The following MCF2 variants were observed in gnomAD, a reference collection of about 807,000 sequenced individuals.
MCF2 encodes proto-oncogene DBL.
Under a neutral mutation model 82.5 loss-of-function variants are expected in MCF2, and 44 were observed. The observed-to-expected ratio is 0.53, with a 90% CI of 0.42 to 0.69. MCF2 has a LOEUF of 0.69. MCF2 is among the 30% of genes least tolerant of loss of function. The pLI, the probability that MCF2 is intolerant of heterozygous loss-of-function variation, is 0.00. For missense variants in MCF2, 623 were observed against 663.1 expected (o/e 0.94, Z 0.66); for synonymous variants, 217 against 224.9 (o/e 0.96, Z 0.32).
chrX:139,680,165 C>A (rs748389188), intron 1 of MCF2, among the ~76,000 whole-genome samples: 1 of 110,714 alleles, frequency 9.0e-6, no homozygotes, highest in Non-Finnish European at 1.9e-5. Flanking sequence ...ACTCTGTCAC[C>A]CAAGCTGGAG....
At chrX:139,634,400 G>GA (rs2148498592) in intron 1 of MCF2, among the ~76,000 whole-genome samples, 1 of 111,426 alleles carries the variant, frequency 9.0e-6, no homozygotes, top group African/African-American at 3.3e-5. Context: ...TAAAATAAAA[G>GA]AAAAAAGTAA....
chrX:139,586,622 C>T (rs1333089952), intron 22 of MCF2, 135 bp from the exon 27 acceptor site: 2 of 425,243 alleles, frequency 4.7e-6, no homozygotes. Flanking sequence ...CCAATACTCC[C>T]TATTTAAATC....
chrX:139,654,327 C>A (rs1468442684), intron 1 of MCF2, among the ~76,000 whole-genome samples: 1 of 111,623 alleles, frequency 9.0e-6, no homozygotes, highest in Non-Finnish European at 1.9e-5. Context: ...CTTTTTGATA[C>A]AAGCCATTTT....
intron 1 of MCF2, among the ~76,000 whole-genome samples, chrX:139,638,952 A>G (rs1025421635): frequency 3.6e-5 from 4 of 111,475 alleles, no homozygotes; most frequent in Non-Finnish European, 7.5e-5. Context: ...TTCTCTATAT[A>G]CCAATATTTG....
chrX:139,660,053 A>G (rs1934315024), intron 1 of MCF2, among the ~76,000 whole-genome samples: 1 of 111,758 alleles, frequency 8.9e-6, no homozygotes, highest in Non-Finnish European at 1.9e-5. Context: ...CATACCATTC[A>G]TTCAAACTTC....
intron 1 of MCF2, among the ~76,000 whole-genome samples, chrX:139,698,972 C>T (rs1022100143): frequency 9.0e-6 from 1 of 111,457 alleles, no homozygotes; most frequent in East Asian, 2.8e-4. Context: ...ACAAGGAAGG[C>T]CCAGTTTATT....
chrX:139,603,103 T>C (rs1352512783), intron 15 of MCF2, among the ~76,000 whole-genome samples: 1 of 112,287 alleles, frequency 8.9e-6, no homozygotes, highest in African/African-American at 3.2e-5. Context: ...CCCAGGACCA[T>C]TTGTATATTT....
chrX:139,655,880 C>T (rs1934180437), intron 1 of MCF2, among the ~76,000 whole-genome samples: 1 of 111,651 alleles, frequency 9.0e-6, no homozygotes, highest in African/African-American at 3.3e-5. Flanking sequence ...GTTTCTCTGG[C>T]CAGGACTTCC....
chrX:139,648,438 G>A (rs1933880813), intron 2 of MCF2, among the ~76,000 whole-genome samples: 1 of 109,533 alleles, frequency 9.1e-6, no homozygotes, highest in Non-Finnish European at 1.9e-5. Context: ...AATACTCAAC[G>A]CAAAAGAAGA....
intron 6 of MCF2, among the ~76,000 whole-genome samples, chrX:139,621,327 C>A (rs1231316941): frequency 9.0e-6 from 1 of 111,720 alleles, no homozygotes; most frequent in Non-Finnish European, 1.9e-5. Context: ...GCAATTTCAA[C>A]AAATACAAAA....
At chrX:139,611,300 T>C (rs1416403761) in intron 10 of MCF2, among the ~76,000 whole-genome samples, 2 of 112,076 alleles carry the variant, frequency 1.8e-5, no homozygotes, top group Non-Finnish European at 3.8e-5. Flanking sequence ...CTTTCACTTA[T>C]TAAAATATAT....
At chrX:139,698,876 TTAA>T (rs770059912) in intron 1 of MCF2, among the ~76,000 whole-genome samples, 29 of 111,821 alleles carry the variant, frequency 2.6e-4, no homozygotes, top group African/African-American at 8.8e-4. Flanking sequence ...AATTACAAAA[TTAA>T]TAATAAGTAT....
chrX:139,592,277 T>C (rs1455032546), intron 19 of MCF2, among the ~76,000 whole-genome samples: 1 of 111,575 alleles, frequency 9.0e-6, no homozygotes, highest in Non-Finnish European at 1.9e-5. Flanking sequence ...ATCAAGCCCA[T>C]CTGTCTACCT....
intron 10 of MCF2, among the ~76,000 whole-genome samples, chrX:139,613,724 G>A (rs1005487578): frequency 2.7e-5 from 3 of 110,495 alleles, no homozygotes; most frequent in Non-Finnish European, 1.9e-5. Flanking sequence ...CATAGCTATC[G>A]GGTTTTATCC....
intron 1 of MCF2, among the ~76,000 whole-genome samples, chrX:139,657,565 C>T (rs1036013293): frequency 8.9e-6 from 1 of 112,287 alleles, no homozygotes; most frequent in Non-Finnish European, 1.9e-5. Context: ...CCAGATTCTG[C>T]TCTAAGCTGT....
At chrX:139,607,620 G>A (rs931531746) in intron 12 of MCF2, 71 bp downstream of exon 16, 1 of 717,892 alleles carries the variant, frequency 1.4e-6, no homozygotes. Context: ...TAATCACATT[G>A]GCCTTGAACA....
chrX:139,665,371 C>T (rs1028829327), intron 1 of MCF2, among the ~76,000 whole-genome samples: 1 of 111,933 alleles, frequency 8.9e-6, no homozygotes, highest in African/African-American at 3.3e-5. Context: ...TCCCCTCTGG[C>T]TGAAGCTGGC....
chrX:139,619,656 A>G (rs1408120920), exon 7 of MCF2: 2 of 1,181,870 alleles, frequency 1.7e-6, no homozygotes, highest in Non-Finnish European at 2.3e-6. Context: ...TCCCTGTTAC[A>G]TCAGCCAGTT....
At chrX:139,636,348 T>C (rs190257429) in intron 1 of MCF2, among the ~76,000 whole-genome samples, 229 of 112,115 alleles carry the variant, frequency 2.0e-3, no homozygotes, top group African/African-American at 7.1e-3. Flanking sequence ...CACTTTTAAA[T>C]GAAATTGAAA....
Sources: gnomAD v4.1 joint callset for allele counts (sites outside exome capture counted in the v4.1 genomes callset) on GRCh38, gnomAD v4.1.1 for gene constraint, MANE v1.5 for transcripts, NCBI Gene and HGNC (gene_info 2026-07-23, HGNC 2026-07-21) for gene names.